The following GABRB1 variants were observed in gnomAD, a reference collection of about 807,000 sequenced individuals.
The protein encoded by GABRB1 is gamma-aminobutyric acid receptor subunit beta-1.
Under a neutral mutation model 51.6 loss-of-function variants are expected in GABRB1, and 17 were observed. That is an observed-to-expected ratio of 0.33 (90% CI 0.23 to 0.49). GABRB1 has a LOEUF of 0.49. Among genes scored for constraint, GABRB1 ranks in the 20% least tolerant of loss-of-function variants. The pLI is 0.99. For missense variants in GABRB1, 410 were observed against 600.6 expected (o/e 0.68, Z 3.32); for synonymous variants, 247 against 218.9 (o/e 1.13, Z -1.14).
intron 5 of GABRB1, among the ~76,000 whole-genome samples, chr4:47,341,029 T>C (rs915233722): frequency 2.0e-5 from 3 of 152,094 alleles, no homozygotes; most frequent in South Asian, 2.1e-4. Context: ...TTTCAAACCA[T>C]GTAGTCAGTA....
At chr4:47,294,475 G>A (rs1036655303) in intron 4 of GABRB1, among the ~76,000 whole-genome samples, 2 of 152,240 alleles carry the variant, frequency 1.3e-5, no homozygotes, top group African/African-American at 4.8e-5. Flanking sequence ...TGGCTCGGAG[G>A]GTCCTACGCC....
intron 3 of GABRB1, among the ~76,000 whole-genome samples, chr4:47,095,582 G>A (rs1353559934): frequency 6.6e-6 from 1 of 152,204 alleles, no homozygotes; most frequent in African/African-American, 2.4e-5. Flanking sequence ...GGGCACTTAT[G>A]ACTCATGAAA....
chr4:47,087,796 G>A (rs1728141350), intron 3 of GABRB1, among the ~76,000 whole-genome samples: 1 of 151,988 alleles, frequency 6.6e-6, no homozygotes, highest in Non-Finnish European at 1.5e-5. Flanking sequence ...TTCCTTATCT[G>A]GAAAATGAGG....
intron 3 of GABRB1, among the ~76,000 whole-genome samples, chr4:47,049,907 G>T (rs147305122): frequency 1.3e-5 from 2 of 152,296 alleles, no homozygotes; most frequent in African/African-American, 4.8e-5. Flanking sequence ...TTCTGCTGCT[G>T]CCATTACAGA....
rs532219634 is a variant in GABRB1, at chr4:47,207,465, A to T, written c.461+45996A>T. 3.9e-5 allele frequency among the ~76,000 whole-genome samples: 6 copies of T among 152,184 alleles called. 1 individual carries two copies. In the East Asian group the frequency reaches 7.7e-4, roughly 20 times the overall value. On this transcript the variant is annotated intron_variant, in intron 4 of 8. Transcript: ENST00000295454. ...AATCAGAACTGACTTCTCCATTAAA[A>T]TTAGTTTTCAGGAACGTATTATACA...
chr4:47,161,624 T>C (rs1027620462), intron 4 of GABRB1, among the ~76,000 whole-genome samples, 155 bp downstream of exon 4: 1 of 152,016 alleles, frequency 6.6e-6, no homozygotes, highest in East Asian at 1.9e-4. Context: ...AACCCTCATG[T>C]AGTTAAGGGC....
chr4:47,353,830 C>T (rs1726453982), intron 5 of GABRB1, among the ~76,000 whole-genome samples: 1 of 152,166 alleles, frequency 6.6e-6, no homozygotes, highest in Non-Finnish European at 1.5e-5. Flanking sequence ...TATTTACCTT[C>T]ACATTTCCAA....
intron 5 of GABRB1, among the ~76,000 whole-genome samples, chr4:47,334,496 C>G (rs575015194): frequency 4.6e-5 from 7 of 152,212 alleles, no homozygotes; most frequent in Admixed American, 3.3e-4. Flanking sequence ...CCTGGCATTT[C>G]TTATGTGTGG....
chr4:47,241,416 G>A (rs1282902226), intron 4 of GABRB1, among the ~76,000 whole-genome samples: 1 of 152,082 alleles, frequency 6.6e-6, no homozygotes, highest in Non-Finnish European at 1.5e-5. Context: ...TATGACTGAG[G>A]AAGACCACAA....
intron 3 of GABRB1, among the ~76,000 whole-genome samples, chr4:47,150,972 G>T (rs1386910142): frequency 6.6e-6 from 1 of 151,908 alleles, no homozygotes; most frequent in Non-Finnish European, 1.5e-5. Flanking sequence ...GGTGGCAAGA[G>T]AGATAATGTG....
In GABRB1 at chr4:47,360,358, GT is replaced by G. The variant is rs543782735; in HGVS notation, c.544+40159del. 5.7e-4 allele frequency among the ~76,000 whole-genome samples: 85 copies of G among 149,044 alleles called. 1 individual carries two copies. In the East Asian group the frequency reaches 8.4e-3, roughly 15 times the overall value. On this transcript the variant is annotated intron_variant, in intron 5 of 8. Transcript: ENST00000295454. ...GATGACAAGAGTGCTGCAACTCAGA[GT>G]TTTTTTTTTCTCTCATTTTTTGGTG...
At chr4:47,362,484 T>A (rs1726843767) in intron 5 of GABRB1, among the ~76,000 whole-genome samples, 1 of 152,192 alleles carries the variant, frequency 6.6e-6, no homozygotes, top group African/African-American at 2.4e-5. Context: ...GATTCTCACA[T>A]CAAGTTATAA....
chr4:47,231,775 T>C (rs1721153017), intron 4 of GABRB1, among the ~76,000 whole-genome samples: 1 of 152,188 alleles, frequency 6.6e-6, no homozygotes, highest in Non-Finnish European at 1.5e-5. Flanking sequence ...TTGTTAGAAT[T>C]TATTTCCCGA....
At chr4:47,002,947 G>C (rs187513808) in intron 1 of GABRB1, among the ~76,000 whole-genome samples, 117 of 152,264 alleles carry the variant, frequency 7.7e-4, no homozygotes, top group African/African-American at 2.7e-3. Flanking sequence ...ATCAGAGAAG[G>C]ATTTGGGACT....
chr4:47,001,393 T>C (rs190515423), intron 1 of GABRB1, among the ~76,000 whole-genome samples: 2,426 of 152,056 alleles, frequency 0.016, 40 homozygotes, highest in African/African-American at 0.038. Flanking sequence ...TCTCCCGCCT[T>C]GGCCTCCCAA....
intron 5 of GABRB1, among the ~76,000 whole-genome samples, chr4:47,339,697 T>C (rs1725815243): frequency 6.6e-6 from 1 of 152,110 alleles, no homozygotes; most frequent in Non-Finnish European, 1.5e-5. Context: ...ACCAAATACA[T>C]ACAGTTAGAA....
At chr4:47,087,090 T>C (rs1048848844) in intron 3 of GABRB1, among the ~76,000 whole-genome samples, 1 of 152,146 alleles carries the variant, frequency 6.6e-6, no homozygotes, top group Non-Finnish European at 1.5e-5. Context: ...ATTTCCAAAG[T>C]CCCTTCAATC....
In GABRB1 at chr4:47,163,252, T is replaced by C. The variant is rs139544428; in HGVS notation, c.461+1783T>C. On this transcript the variant is annotated intron_variant, in intron 4 of 8. Transcript: ENST00000295454. ...TGGAACAATCTTATGAACTAATCAA[T>C]ATGACAATACATAGTAAGTCCTAAA... Among the ~76,000 whole-genome samples, 31 of 152,220 alleles carry C rather than the reference T, an allele frequency of 2.0e-4. No individual in the cohort carries two copies. The East Asian group carries it at 5.6e-3, about 28-fold the overall frequency.
rs545971675 is a variant in GABRB1 at position 47,405,349 on chromosome 4, C to T, written c.836-1333C>T. ...GAATAATCTGATTGGAAAATGAATG[C>T]GAAACTATTTTTCCCTTCATTTCAT... On this transcript the variant is annotated intron_variant, in intron 7 of 8. Transcript: ENST00000295454. 2.1e-3 allele frequency among the ~76,000 whole-genome samples: 313 copies of T among 152,220 alleles called. 1 individual carries two copies. Among genetic ancestry groups the T allele is most frequent in the African/African-American group, 6.5e-3 (270 of 41,550 alleles).
Sources: gnomAD v4.1 joint callset for allele counts (sites outside exome capture counted in the v4.1 genomes callset) on GRCh38, gnomAD v4.1.1 for gene constraint, MANE v1.5 for transcripts, NCBI Gene and HGNC (gene_info 2026-07-23, HGNC 2026-07-21) for gene names.